Variants in SFI1 observed in about 807,000 individuals in gnomAD.
SFI1 encodes the protein SFI1 centrin binding protein, also known as protein SFI1 homolog.
In SFI1, 195 loss-of-function variants were observed where a neutral mutation model predicts 207.5. That is an observed-to-expected ratio of 0.94 (90% confidence interval 0.84 to 1.06). The LOEUF is 1.06. Among genes scored for constraint, SFI1 ranks in the 50% least tolerant of loss-of-function variants. SFI1 has a pLI of 0.00. For missense variants in SFI1, 1,634 were observed against 1,588.0 expected, an observed-to-expected ratio of 1.03 and a Z score of -0.49; for synonymous variants, 630 against 598.9, an observed-to-expected ratio of 1.05 and a Z score of -0.76.
At chr22:31,579,576 A>G (rs570711656) in intron 11 of SFI1, among the ~76,000 whole-genome samples, 2 of 152,178 alleles carry the variant, frequency 1.3e-5, no homozygotes. Context: ...CGGCCTCCCA[A>G]AGTGCTGGGA....
chr22:31,598,948 C>G (rs1195255918), intron 15 of SFI1, among the ~76,000 whole-genome samples: 1 of 150,322 alleles, frequency 6.7e-6, no homozygotes, highest in African/African-American at 2.4e-5. Flanking sequence ...CGCACACCAC[C>G]ACGACCAGCT....
intron 1 of SFI1, among the ~76,000 whole-genome samples, chr22:31,507,401 C>T (rs535504590): frequency 6.6e-6 from 1 of 152,158 alleles, no homozygotes; most frequent in South Asian, 2.1e-4. Context: ...CTATAAAAAC[C>T]CTGGAAGAAA....
At position 31,602,386 on chromosome 22, in the gene SFI1, A is replaced by G; in HGVS notation, c.1626+93A>G. ...CTCCCCTCCTCAGGAAGTTGCTCGG[A>G]CCTCACTGGAGGGCCCCTGCCTGTG... On this transcript the variant is annotated intron_variant, in intron 16 of 32. Transcript: ENST00000400288. 7 of 1,322,796 alleles carry G rather than the reference A, an allele frequency of 5.3e-6. 1 individual carries two copies. In the Admixed American group the frequency reaches 1.1e-4, roughly 20 times the overall value. 81.9% of individuals were successfully genotyped at this position (1,322,796 alleles called of 1,614,324 possible).
chr22:31,524,073 G>A (rs2057603766), intron 2 of SFI1, among the ~76,000 whole-genome samples: 1 of 151,424 alleles, frequency 6.6e-6, no homozygotes, highest in African/African-American at 2.4e-5. Flanking sequence ...TTGGTGGCGT[G>A]CACCTGTAGT....
intron 12 of SFI1, among the ~76,000 whole-genome samples, chr22:31,582,205 T>TATATATATATATA (rs1259111660): frequency 3.0e-4 from 3 of 9,986 alleles, no homozygotes; most frequent in African/African-American, 8.4e-4. Context: ...TTTATTACAT[T>TATATATATATATA]TTATATATAT....
At chr22:31,505,820 G>T (rs1281159954) in intron 1 of SFI1, among the ~76,000 whole-genome samples, 1 of 152,112 alleles carries the variant, frequency 6.6e-6, no homozygotes, top group Non-Finnish European at 1.5e-5. Flanking sequence ...GGAGGTTGAG[G>T]CTGCAGTGAG....
At chr22:31,500,549 C>A (rs1445667407) in intron 1 of SFI1, among the ~76,000 whole-genome samples, 1 of 152,136 alleles carries the variant, frequency 6.6e-6, no homozygotes, top group Non-Finnish European at 1.5e-5. Flanking sequence ...CCTCTGCCTC[C>A]TGGGTTCAAG....
chr22:31,562,795 G>A (rs1054955467), intron 8 of SFI1, among the ~76,000 whole-genome samples: 1 of 151,490 alleles, frequency 6.6e-6, no homozygotes, highest in Non-Finnish European at 1.5e-5. Context: ...CACCACGCCC[G>A]GCTAATTTTT....
At chr22:31,594,854 C>CAAAA (rs67157514) in intron 15 of SFI1, among the ~76,000 whole-genome samples, 74 of 76,722 alleles carry the variant, frequency 9.6e-4, no homozygotes, top group Non-Finnish European at 1.2e-3. Flanking sequence ...GACTCTGTCT[C>CAAAA]AAAAAAAAAA....
intron 4 of SFI1, among the ~76,000 whole-genome samples, chr22:31,537,934 C>A (rs1047640216): frequency 6.6e-6 from 1 of 151,970 alleles, no homozygotes; most frequent in Non-Finnish European, 1.5e-5. Context: ...AGAATAATGC[C>A]TTTATGTGCT....
intron 4 of SFI1, among the ~76,000 whole-genome samples, chr22:31,537,215 A>C (rs1016024197): frequency 1.3e-5 from 2 of 152,106 alleles, no homozygotes; most frequent in Non-Finnish European, 2.9e-5. Flanking sequence ...TGACTATTCT[A>C]GCTTTACACA....
intron 1 of SFI1, among the ~76,000 whole-genome samples, chr22:31,503,965 T>A (rs1286643816): frequency 2.6e-5 from 4 of 152,166 alleles, no homozygotes; most frequent in Non-Finnish European, 5.9e-5. Context: ...ATGTCCTTAT[T>A]GAAAGCAAAC....
At position 31,614,867 on chromosome 22, in the gene SFI1, G is replaced by A. The variant is rs754912053; in HGVS notation, c.3068+7G>A. 59 of 1,613,344 alleles carry A rather than the reference G, an allele frequency of 3.7e-5. No individual in the cohort carries two copies. The highest frequency in any genetic ancestry group is 4.7e-5 in the Non-Finnish European group (56 of 1,179,896). On this transcript the variant is annotated splice_region_variant and intron_variant, in intron 28 of 32. Coordinates refer to ENST00000400288, the MANE Select transcript of SFI1 (RefSeq NM_001007467.3). ...AGCCTGCGCAGAGCCAGAGGTCCCT[G>A]GGGTGCAGCACCGTGGGCAGGCAGG...
chr22:31,604,279 C>G, intron 18 of SFI1, 30 bp from the exon 19 acceptor site: 1 of 1,543,630 alleles, frequency 6.5e-7, no homozygotes, highest in Non-Finnish European at 8.7e-7. Context: ...GACCCCAGCC[C>G]ACGGTAGCTG....
chr22:31,614,754 C>T, intron 27 of SFI1, 35 bp from the exon 28 acceptor site: 1 of 1,611,752 alleles, frequency 6.2e-7, no homozygotes, highest in Non-Finnish European at 8.5e-7. Flanking sequence ...AGCCCCTGGT[C>T]AGCCCAGGGG....
chr22:31,606,252 A>T, intron 20 of SFI1, 76 bp from the exon 21 acceptor site: 1 of 1,336,340 alleles, frequency 7.5e-7, no homozygotes, highest in African/African-American at 1.4e-5. Context: ...GGGAAGAAGT[A>T]GGAATGATTC....
intron 29 of SFI1, 58 bp downstream of exon 29, chr22:31,615,337 G>T: frequency 2.2e-6 from 3 of 1,376,788 alleles, no homozygotes; most frequent in Non-Finnish European, 2.8e-6. Context: ...CTGACTTCTG[G>T]TGCTTTCTCA....
At chr22:31,563,184 G>A (rs1315783368) in intron 8 of SFI1, among the ~76,000 whole-genome samples, 1 of 151,784 alleles carries the variant, frequency 6.6e-6, no homozygotes, top group Non-Finnish European at 1.5e-5. Flanking sequence ...GTAGTGATGG[G>A]GTTTCACCGT....
intron 12 of SFI1, among the ~76,000 whole-genome samples, chr22:31,582,888 C>T (rs1302851084): frequency 1.3e-5 from 2 of 152,004 alleles, no homozygotes; most frequent in East Asian, 1.9e-4. Flanking sequence ...TAAAAAAGGA[C>T]AGGCCAGTTA....
Sources: allele counts gnomAD v4.1 joint callset (sites outside exome capture counted in the v4.1 genomes callset), GRCh38; gene constraint gnomAD v4.1.1; transcripts MANE v1.5; gene names NCBI Gene and HGNC (gene_info 2026-07-23, HGNC 2026-07-21).